Variants in ATP10D observed in about 807,000 individuals in gnomAD.
The protein encoded by ATP10D is phospholipid-transporting ATPase VD.
Under a neutral mutation model 144.8 loss-of-function variants are expected in ATP10D, and 89 were observed. That is an observed-to-expected ratio of 0.61 (90% confidence interval 0.52 to 0.73). The LOEUF is 0.73. Among genes scored for constraint, ATP10D ranks in the 30% least tolerant of loss-of-function variants. The pLI, the probability that ATP10D is intolerant of heterozygous loss-of-function variation, is 0.00. For missense variants in ATP10D, 1,603 were observed against 1,714.8 expected (o/e 0.93, Z 1.15); for synonymous variants, 571 against 615.1 (o/e 0.93, Z 1.06).
chr4:47,520,214 T>C (rs1402358288), intron 3 of ATP10D, among the ~76,000 whole-genome samples: 1 of 152,204 alleles, frequency 6.6e-6, no homozygotes, highest in Non-Finnish European at 1.5e-5. Context: ...AGATAGAAAG[T>C]AGAGAGCAGT....
At chr4:47,535,368 G>A in intron 5 of ATP10D, 141 bp from the exon 6 acceptor site, 1 of 581,418 alleles carries the variant, frequency 1.7e-6, no homozygotes, top group Admixed American at 3.8e-5. Flanking sequence ...AATAACCAAA[G>A]TAAATGGGCC....
intron 10 of ATP10D, among the ~76,000 whole-genome samples, chr4:47,550,093 A>G (rs6815678): frequency 0.86 from 129,966 of 151,872 alleles, 56,034 homozygotes; most frequent in East Asian, 0.99. Flanking sequence ...AGTGGCATCC[A>G]GCAATGAAAT....
chr4:47,503,325 A>G (rs1319897588), intron 1 of ATP10D, among the ~76,000 whole-genome samples: 1 of 152,124 alleles, frequency 6.6e-6, no homozygotes, highest in South Asian at 2.1e-4. Flanking sequence ...TGTTTCCCCA[A>G]CGTCAACCAC....
intron 4 of ATP10D, among the ~76,000 whole-genome samples, chr4:47,525,152 T>C (rs1717174501): frequency 6.6e-6 from 1 of 152,224 alleles, no homozygotes; most frequent in Non-Finnish European, 1.5e-5. Flanking sequence ...TTGGCTGAGA[T>C]CAAATGCATA....
chr4:47,505,748 A>G (rs937434443), intron 1 of ATP10D, among the ~76,000 whole-genome samples: 3 of 152,058 alleles, frequency 2.0e-5, no homozygotes, highest in African/African-American at 7.2e-5. Context: ...CGTCTCCAAA[A>G]GAAAAAGAAA....
chr4:47,485,666 G>A (rs1036858211), intron 1 of ATP10D, 147 bp downstream of exon 1: 3 of 151,344 alleles, frequency 2.0e-5, no homozygotes, highest in Admixed American at 6.6e-5. Flanking sequence ...CAAAACTACA[G>A]TTCTGGGCTG....
chr4:47,567,545 A>G (rs1204360629), intron 15 of ATP10D, among the ~76,000 whole-genome samples: 1 of 152,162 alleles, frequency 6.6e-6, no homozygotes, highest in Non-Finnish European at 1.5e-5. Context: ...CTTAAACACA[A>G]TCTGATGTTA....
At chr4:47,502,622 A>G (rs1216935604) in intron 1 of ATP10D, among the ~76,000 whole-genome samples, 2 of 148,422 alleles carry the variant, frequency 1.3e-5, no homozygotes, top group Non-Finnish European at 1.5e-5. Flanking sequence ...TATACGATAT[A>G]CATATACGTA....
chr4:47,522,900 C>A, intron 3 of ATP10D, 112 bp from the exon 4 acceptor site: 1 of 887,128 alleles, frequency 1.1e-6, no homozygotes, highest in Non-Finnish European at 1.7e-6. Context: ...AAAATTTACC[C>A]TAATACTTAA....
At chr4:47,537,564 T>C (rs1035951185) in intron 9 of ATP10D, among the ~76,000 whole-genome samples, 1 of 152,204 alleles carries the variant, frequency 6.6e-6, no homozygotes, top group African/African-American at 2.4e-5. Flanking sequence ...TTGGTGAATA[T>C]GTAACCAGCT....
rs766035306 is a variant in ATP10D, at chr4:47,587,007, CT to C, written c.3754-10del. Reference sequence around the variant, plus strand: ...CAGAGCATTCATTTCCTCTGCTCTTCTTGTCTTACAGACTTGGATTCACTTG... The same window carrying C: ...CAGAGCATTCATTTCCTCTGCTCTTCTGTCTTACAGACTTGGATTCACTTG... On this transcript the variant is annotated splice_polypyrimidine_tract_variant and intron_variant, in intron 21 of 22. Transcript: ENST00000273859. 6.2e-7 allele frequency: 1 copy of C among 1,612,832 alleles called. No homozygotes were observed. Among genetic ancestry groups the C allele is most frequent in the South Asian group, 1.1e-5 (1 of 90,960 alleles).
At chr4:47,575,785 C>T (rs189210788) in intron 18 of ATP10D, among the ~76,000 whole-genome samples, 1 of 152,212 alleles carries the variant, frequency 6.6e-6, no homozygotes, top group East Asian at 1.9e-4. Flanking sequence ...ACATTTCTTC[C>T]CCACTATTCT....
intron 1 of ATP10D, among the ~76,000 whole-genome samples, chr4:47,502,093 C>G (rs1204371419): frequency 6.6e-6 from 1 of 152,114 alleles, no homozygotes; most frequent in Non-Finnish European, 1.5e-5. Flanking sequence ...TATACAACTG[C>G]AACATTTTAC....
intron 9 of ATP10D, among the ~76,000 whole-genome samples, chr4:47,544,282 T>C (rs1291029088): frequency 6.6e-6 from 1 of 152,220 alleles, no homozygotes; most frequent in Non-Finnish European, 1.5e-5. Flanking sequence ...GCACATGTAA[T>C]CTATAAATTC....
intron 1 of ATP10D, among the ~76,000 whole-genome samples, chr4:47,511,762 G>A (rs1203774400): frequency 6.6e-6 from 1 of 152,136 alleles, no homozygotes; most frequent in African/African-American, 2.4e-5. Flanking sequence ...GGGCACACTC[G>A]CTTGTTAGTG....
chr4:47,502,482 A>G (rs1483693230), intron 1 of ATP10D, among the ~76,000 whole-genome samples: 1 of 151,448 alleles, frequency 6.6e-6, no homozygotes, highest in African/African-American at 2.4e-5. Flanking sequence ...AAAAAAAAAA[A>G]AATCTGAAGT....
intron 5 of ATP10D, among the ~76,000 whole-genome samples, chr4:47,528,077 A>T (rs1717347107): frequency 6.6e-6 from 1 of 152,164 alleles, no homozygotes; most frequent in Admixed American, 6.6e-5. Flanking sequence ...GGAAATGTAG[A>T]ATATAATAGT....
intron 18 of ATP10D, among the ~76,000 whole-genome samples, chr4:47,575,758 C>T (rs1720192206): frequency 6.6e-6 from 1 of 152,116 alleles, no homozygotes; most frequent in Non-Finnish European, 1.5e-5. Context: ...GTACCACAGA[C>T]AGGTGGCTTG....
chr4:47,558,072 C>T lies in ATP10D; in HGVS notation c.2233C>T (p.Arg745Trp), dbSNP rs368001466. 4.7e-5 allele frequency: 76 copies of T among 1,614,086 alleles called. No individual in the cohort carries two copies. The highest frequency in any genetic ancestry group is 1.5e-4 in the African/African-American group (11 of 74,924). ...CGCCAGGGCTTACCAATGCACTTTA[C>T]GGTCTCGGACACCAGAGCAGGTCAT... ...YAARAYQCTL[R>W]SRTPEQVMVD... The change falls in exon 12 of 23, where the codon CGG becomes TGG. Residue 745 changes from arginine (R) to tryptophan (W), a missense_variant. Arg to Trp is a moderately radical substitution (Grantham distance 101, BLOSUM62 -3). Coordinates refer to ENST00000273859, the MANE Select transcript of ATP10D (RefSeq NM_020453.4).
Sources: allele counts gnomAD v4.1 joint callset (sites outside exome capture counted in the v4.1 genomes callset), GRCh38; gene constraint gnomAD v4.1.1; transcripts MANE v1.5; gene names NCBI Gene and HGNC (gene_info 2026-07-23, HGNC 2026-07-21).